The following ALMS1 variants were observed in gnomAD, a reference collection of about 807,000 sequenced individuals.
The protein encoded by ALMS1 is ALMS1 centrosome and basal body associated protein.
In ALMS1, 271 loss-of-function variants were observed where a neutral mutation model predicts 352.2. The observed-to-expected ratio is 0.77, with a 90% confidence interval of 0.70 to 0.85. ALMS1 has a LOEUF of 0.85. Ranked by LOEUF, ALMS1 falls within the 40% of genes least tolerant of loss-of-function variation. The pLI, the probability that ALMS1 is intolerant of heterozygous loss-of-function variation, is 0.00. For synonymous variants in ALMS1, 1,865 were observed against 1,761.2 expected (o/e 1.06, Z -1.48); for missense variants, 5,445 against 4,870.7 (o/e 1.12, Z -3.51).
At chr2:73,562,446 G>T (rs1573022444) in intron 15 of ALMS1, among the ~76,000 whole-genome samples, 1 of 152,262 alleles carries the variant, frequency 6.6e-6, no homozygotes, top group Non-Finnish European at 1.5e-5. Flanking sequence ...AATGAATCAT[G>T]CAGGCCTCCA....
At chr2:73,393,858 C>T (rs1670702610) in intron 1 of ALMS1, among the ~76,000 whole-genome samples, 2 of 151,414 alleles carry the variant, frequency 1.3e-5, no homozygotes, top group South Asian at 4.2e-4. Context: ...TCTTTGTTGC[C>T]CAGGCTGGAG....
Position 73,422,862 on chromosome 2 carries a change from C to A in ALMS1, c.652C>A (p.Gln218Lys). Residue 218 changes from glutamine to lysine, a missense_variant, in exon 4 of 23, where the codon CAA becomes AAA. Physicochemically the swap from Gln to Lys is moderately conservative, Grantham distance 53. Coordinates refer to ENST00000613296, the MANE Select transcript of ALMS1 (RefSeq NM_001378454.1). ...TAATATTTGAAACTTTACAGTCATA[C>A]AAGATAGCTTTGCTTCTCCTGATTT... ...DLFCSPLLVI[Q>K]DSFASPDLPL... 6.2e-7 allele frequency: 1 copy of A among 1,610,942 alleles called. No individual in the cohort carries two copies. The highest frequency in any genetic ancestry group is 1.1e-5 in the South Asian group (1 of 90,982).
At chr2:73,525,094 G>A (rs1329156632) in intron 11 of ALMS1, among the ~76,000 whole-genome samples, 2 of 152,036 alleles carry the variant, frequency 1.3e-5, no homozygotes, top group East Asian at 1.9e-4. Context: ...TGGCTAAATA[G>A]TATTCCATTG....
intron 6 of ALMS1, among the ~76,000 whole-genome samples, chr2:73,430,784 G>A (rs552222279): frequency 6.6e-6 from 1 of 152,270 alleles, no homozygotes; most frequent in South Asian, 2.1e-4. Flanking sequence ...TTGTAGGTTT[G>A]TGTAAGTCAC....
In ALMS1 at chr2:73,491,183, C is replaced by G. The variant is rs886056315; in HGVS notation, c.9224C>G (p.Ser3075Cys). 6.2e-7 allele frequency: 1 copy of G among 1,614,076 alleles called. No homozygotes were observed. Among genetic ancestry groups the G allele is most frequent in the Admixed American group, 1.7e-5 (1 of 60,010 alleles). ...DERFHSLDAA[S>C]KARMNSEFNF... ...AGATTCCATTCATTGGATGCTGCTT[C>G]TAAAGCGAGGATGAATAGTGAGTTT... The change falls in exon 10 of 23, where the codon TCT becomes TGT. Residue 3075 changes from serine (S) to cysteine (C), a missense_variant. By Grantham distance (112) the Ser-to-Cys change is moderately radical. Transcript: ENST00000613296.
rs542207129 is a variant in ALMS1 at position 73,568,146 on chromosome 2, A to G, written c.10385-4116A>G. 3.3e-5 allele frequency among the ~76,000 whole-genome samples: 5 copies of G among 152,292 alleles called. No homozygotes were observed. In the East Asian group the frequency reaches 5.8e-4, roughly 18 times the overall value. On this transcript the variant is annotated intron_variant, in intron 15 of 22. Transcript: ENST00000613296. ...TAACTGTCTTAATAAAGAATGTACTAAGCCACAAATTTTGTTTTACCTGTC... is the reference window on the plus strand; with the variant it reads ...TAACTGTCTTAATAAAGAATGTACTGAGCCACAAATTTTGTTTTACCTGTC...
At position 73,601,396 on chromosome 2, in the gene ALMS1, G is replaced by C; in HGVS notation, c.12074G>C (p.Gly4025Ala). ...CTGGCAGGCCCAGGCAGAGAGGCTG[G>C]CAGAGACCTACTGAGGCCATTTGTG... is the stretch of plus-strand genomic sequence containing the variant. Reference protein sequence around the residue: ...GYLAGPGREAGRDLLRPFVRA... With the variant: ...GYLAGPGREAARDLLRPFVRA... The change falls in exon 19 of 23, where the codon GGC (glycine) becomes GCC (alanine). Residue 4025 changes from glycine (G) to alanine (A), a missense_variant. Coordinates refer to ENST00000613296, the MANE Select transcript of ALMS1 (RefSeq NM_001378454.1). The C allele has an allele frequency of 1.2e-6, 2 of 1,614,052 alleles. No homozygotes were observed. The highest frequency in any genetic ancestry group is 1.7e-6 in the Non-Finnish European group (2 of 1,179,930).
At chr2:73,517,000 G>C (rs1273487395) in intron 10 of ALMS1, among the ~76,000 whole-genome samples, 5 of 152,014 alleles carry the variant, frequency 3.3e-5, no homozygotes, top group Non-Finnish European at 7.4e-5. Context: ...AGTGCCATGA[G>C]TATGAATGAG....
At chr2:73,438,783 TC>T (rs1463906837) in intron 7 of ALMS1, among the ~76,000 whole-genome samples, 2 of 152,172 alleles carry the variant, frequency 1.3e-5, no homozygotes, top group Non-Finnish European at 2.9e-5. Context: ...CTGATTTAGT[TC>T]TTACCTCTTC....
At chr2:73,551,058 T>C (rs1329916377) in intron 13 of ALMS1, among the ~76,000 whole-genome samples, 1 of 152,110 alleles carries the variant, frequency 6.6e-6, no homozygotes, top group African/African-American at 2.4e-5. Context: ...GGGGTCTCGC[T>C]ATGTTGCCTG....
chr2:73,507,421 G>A (rs1304830217), intron 10 of ALMS1, among the ~76,000 whole-genome samples: 1 of 152,160 alleles, frequency 6.6e-6, no homozygotes, highest in Admixed American at 6.5e-5. Flanking sequence ...GCTTTTCTTG[G>A]TTGGTAGGCT....
At chr2:73,487,323 G>T (rs539575118) in intron 9 of ALMS1, among the ~76,000 whole-genome samples, 1 of 152,308 alleles carries the variant, frequency 6.6e-6, no homozygotes, top group South Asian at 2.1e-4. Flanking sequence ...GCATGCTGAC[G>T]GCTGTGGTAG....
chr2:73,521,485 C>T (rs774024472), intron 11 of ALMS1, among the ~76,000 whole-genome samples: 4 of 151,368 alleles, frequency 2.6e-5, no homozygotes, highest in Admixed American at 6.6e-5. Context: ...GCCTGTAATC[C>T]CAGCACTTTG....
At chr2:73,444,503 C>T (rs569348013) in intron 7 of ALMS1, among the ~76,000 whole-genome samples, 2 of 152,192 alleles carry the variant, frequency 1.3e-5, no homozygotes, top group Non-Finnish European at 2.9e-5. Flanking sequence ...TTCCTGCTTT[C>T]GCATTGAAAA....
chr2:73,484,421 T>C (rs1401668908), intron 9 of ALMS1, among the ~76,000 whole-genome samples: 3 of 151,572 alleles, frequency 2.0e-5, no homozygotes, highest in Non-Finnish European at 4.4e-5. Flanking sequence ...TTCTGGCTTA[T>C]AGGGTTTCTG....
chr2:73,453,273 T>A lies in ALMS1; in HGVS notation c.6746T>A (p.Ile2249Asn). 6.2e-7 allele frequency: 1 copy of A among 1,613,894 alleles called. No homozygotes were observed. Among genetic ancestry groups the A allele is most frequent in the Non-Finnish European group, 8.5e-7 (1 of 1,179,972 alleles). The change falls in exon 8 of 23, where the codon ATC becomes AAC. Residue 2249 changes from isoleucine to asparagine, a missense_variant. Coordinates refer to ENST00000613296, the MANE Select transcript of ALMS1 (RefSeq NM_001378454.1). ...TTTAGAGATGTTGGCTCTGAAGAAA[T>A]CCAGGATGCAGAAAATAGTGCTAAA... ...AGFRDVGSEE[I>N]QDAENSAKTL...
intron 15 of ALMS1, among the ~76,000 whole-genome samples, chr2:73,566,233 T>G (rs1674797903): frequency 6.6e-6 from 1 of 152,240 alleles, no homozygotes. Flanking sequence ...AATTTCATCT[T>G]CTTAAAGAAA....
intron 16 of ALMS1, among the ~76,000 whole-genome samples, chr2:73,573,793 A>G (rs374726205): frequency 1.3e-5 from 2 of 151,984 alleles, no homozygotes; most frequent in East Asian, 3.9e-4. Flanking sequence ...TCTTTCAGGA[A>G]ATATATTTGA....
At chr2:73,567,447 C>T (rs1432495377) in intron 15 of ALMS1, among the ~76,000 whole-genome samples, 1 of 152,086 alleles carries the variant, frequency 6.6e-6, no homozygotes, top group Non-Finnish European at 1.5e-5. Context: ...TAGTTCTGGC[C>T]AGGAGCTAGG....
Sources: gnomAD v4.1 joint callset for allele counts (sites outside exome capture counted in the v4.1 genomes callset) on GRCh38, gnomAD v4.1.1 for gene constraint, MANE v1.5 for transcripts, NCBI Gene and HGNC (gene_info 2026-07-23, HGNC 2026-07-21) for gene names.